Variants in NSD2 observed in about 807,000 individuals in gnomAD.
NSD2 encodes the protein nuclear receptor binding SET domain protein 2, also known as histone-lysine N-methyltransferase NSD2.
A neutral mutation model predicts 139.0 loss-of-function variants in NSD2; 12 were observed. The observed-to-expected ratio is 0.09, with a 90% CI of 0.06 to 0.14. NSD2 has a LOEUF of 0.14. Ranked by LOEUF, NSD2 falls within the 10% of genes least tolerant of loss-of-function variation. NSD2 has a pLI of 1.00. For missense variants in NSD2, 1,155 were observed against 1,745.0 expected (o/e 0.66, Z 6.02); for synonymous variants, 669 against 648.7 (o/e 1.03, Z -0.48).
intron 1 of NSD2, among the ~76,000 whole-genome samples, chr4:1,889,189 C>T (rs113627824): frequency 0.02 from 3,060 of 151,682 alleles, 94 homozygotes; most frequent in African/African-American, 0.07. Context: ...TGAGCCACTG[C>T]GCCCAGTCGT....
chr4:1,981,289 T>C lies in NSD2; in HGVS notation c.*2380T>C, dbSNP rs527351425. ...GTTGATAACTCAGTGGAGCCAGGCT[T>C]TGGGGTAGCGGCCCTGAGCTTGCAG... On this transcript the variant is annotated 3_prime_UTR_variant, in exon 22 of 22. Coordinates refer to ENST00000508803, the MANE Select transcript of NSD2 (RefSeq NM_001042424.3). The C allele has an allele frequency of 9.2e-4, 214 of 233,316 alleles. No homozygotes were observed. The highest frequency in any genetic ancestry group is 4.5e-3 in the African/African-American group (206 of 45,468). The allele number at this position is 233,316 out of a possible 1,614,324, so 14.5% of individuals were successfully genotyped here.
chr4:1,922,187 C>G (rs1401982054), intron 5 of NSD2, among the ~76,000 whole-genome samples: 1 of 152,116 alleles, frequency 6.6e-6, no homozygotes, highest in African/African-American at 2.4e-5. Context: ...ATAAATAAAG[C>G]TGTCATTGTT....
chr4:1,968,571 T>C (rs1262417862), intron 18 of NSD2, among the ~76,000 whole-genome samples: 1 of 152,066 alleles, frequency 6.6e-6, no homozygotes, highest in Non-Finnish European at 1.5e-5. Flanking sequence ...AAAAGTCAAT[T>C]TAGTAGAACC....
intron 2 of NSD2, 121 bp from the exon 3 acceptor site, chr4:1,904,095 A>G: frequency 8.9e-7 from 1 of 1,117,902 alleles, no homozygotes; most frequent in Non-Finnish European, 1.3e-6. Flanking sequence ...GCAAGGGAGC[A>G]CACTCCATTT....
chr4:1,903,695 G>T (rs757454935), intron 2 of NSD2, among the ~76,000 whole-genome samples: 14 of 151,768 alleles, frequency 9.2e-5, no homozygotes, highest in Admixed American at 2.0e-4. Flanking sequence ...TGTGTGCTAT[G>T]CACTGTCCTG....
intron 18 of NSD2, among the ~76,000 whole-genome samples, chr4:1,970,583 G>A (rs1726353454): frequency 6.6e-6 from 1 of 152,180 alleles, no homozygotes; most frequent in Non-Finnish European, 1.5e-5. Flanking sequence ...GGAGGAGCAG[G>A]GAGAAAGGAG....
At chr4:1,957,495 C>A (rs974421757) in intron 15 of NSD2, among the ~76,000 whole-genome samples, 2 of 148,480 alleles carry the variant, frequency 1.3e-5, no homozygotes, top group Admixed American at 6.8e-5. Context: ...AGCATGTTGG[C>A]CAGGCTGGTC....
At chr4:1,872,387 C>T (rs1713856463) in intron 1 of NSD2, among the ~76,000 whole-genome samples, 1 of 152,054 alleles carries the variant, frequency 6.6e-6, no homozygotes, top group South Asian at 2.1e-4. Flanking sequence ...AAAATCTCGG[C>T]GTTTAAAAAA....
At chr4:1,943,073 A>G (rs1723264564) in intron 9 of NSD2, 7 of 1,049,784 alleles carry the variant, frequency 6.7e-6, no homozygotes, top group East Asian at 5.5e-5. Context: ...ATGTACACCA[A>G]CCTCTGCATC....
intron 1 of NSD2, among the ~76,000 whole-genome samples, chr4:1,878,056 T>C (rs1577348954): frequency 6.6e-6 from 1 of 150,674 alleles, no homozygotes; most frequent in South Asian, 2.1e-4. Context: ...AAAAAAGTAT[T>C]ATATATATAC....
At chr4:1,880,967 TTTG>T (rs1560547707) in intron 1 of NSD2, among the ~76,000 whole-genome samples, 1 of 152,156 alleles carries the variant, frequency 6.6e-6, no homozygotes, top group African/African-American at 2.4e-5. Context: ...TGATAGTGGG[TTTG>T]TTATGTTTAG....
intron 1 of NSD2, among the ~76,000 whole-genome samples, chr4:1,891,408 G>C (rs1715532010): frequency 6.6e-6 from 1 of 152,186 alleles, no homozygotes; most frequent in African/African-American, 2.4e-5. Flanking sequence ...GCCTGGCTCT[G>C]GGGAATGTCC....
intron 9 of NSD2, chr4:1,940,630 T>A: frequency 9.4e-7 from 1 of 1,062,664 alleles, no homozygotes; most frequent in Non-Finnish European, 1.1e-6. Context: ...TAGACATGGG[T>A]CCTGTTTTTG....
rs1724794023 is a variant in NSD2 at position 1,956,270 on chromosome 4, C to T, written c.2881+82C>T. The T allele has an allele frequency of 2.3e-6, 3 of 1,298,182 alleles. No homozygotes were observed. Among genetic ancestry groups the T allele is most frequent in the South Asian group, 1.6e-5 (1 of 62,580 alleles). The allele number at this position is 1,298,182 out of a possible 1,614,324, so 80.4% of individuals were successfully genotyped here. On this transcript the variant is annotated intron_variant, in intron 15 of 21. Coordinates refer to ENST00000508803, the MANE Select transcript of NSD2 (RefSeq NM_001042424.3). The surrounding 1 kb of genome is among the most constrained non-coding windows in gnomAD (Gnocchi z 5.3). ...TAATTTCTATTTTTTAAAATTTGAT[C>T]TTTATAGAAAATACTGGACTAAGCA... is the stretch of plus-strand genomic sequence containing the variant.
intron 4 of NSD2, 151 bp from the exon 5 acceptor site, chr4:1,917,990 A>G: frequency 1.1e-6 from 1 of 876,528 alleles, no homozygotes; most frequent in Non-Finnish European, 1.7e-6. Flanking sequence ...CATGTTGACC[A>G]GGCTGGTCTT....
intron 9 of NSD2, among the ~76,000 whole-genome samples, chr4:1,949,379 G>C (rs766885488): frequency 6.6e-6 from 1 of 152,168 alleles, no homozygotes; most frequent in Non-Finnish European, 1.5e-5. Context: ...ACTTTGTGCT[G>C]TCAGGAGATG....
At position 1,939,656 on chromosome 4, in the gene NSD2, A is replaced by G. The variant is rs1722873484; in HGVS notation, c.1759A>G (p.Thr587Ala). Residue 587 changes from threonine to alanine, a missense_variant and splice_region_variant, in exon 9 of 22, where the codon ACG (threonine) becomes GCG (alanine). Physicochemically the swap from Thr to Ala is moderately conservative, Grantham distance 58 (BLOSUM62 0). This residue lies in a region of NSD2 where 420 missense variants were observed against 469.0 expected (regional missense o/e 0.90). Coordinates refer to ENST00000508803, the MANE Select transcript of NSD2 (RefSeq NM_001042424.3). ...AASSLKSQAA[T>A]KNLSDACKPL... ...TACAAACCAAAATTATTTTACAGCAACGAAAAATCTGTCTGATGCATGTAA... is the reference window on the plus strand; with the variant it reads ...TACAAACCAAAATTATTTTACAGCAGCGAAAAATCTGTCTGATGCATGTAA... 1 of 1,613,962 alleles carries G rather than the reference A, an allele frequency of 6.2e-7. No homozygotes were observed. The highest frequency in any genetic ancestry group is 1.7e-5 in the Admixed American group (1 of 60,004).
intron 7 of NSD2, 22 bp from the exon 8 acceptor site, chr4:1,938,429 T>TTC: frequency 8.3e-7 from 1 of 1,211,628 alleles, no homozygotes; most frequent in Non-Finnish European, 1.1e-6. Flanking sequence ...TTTTTTTTTT[T>TTC]TTTTTTTTTT....
At chr4:1,872,591 T>TGTGTGTGTGTGAGAGAGAGAGAGAGA (rs1281608141) in intron 1 of NSD2, among the ~76,000 whole-genome samples, 1 of 44,892 alleles carries the variant, frequency 2.2e-5, no homozygotes, top group Non-Finnish European at 4.5e-5. Flanking sequence ...TGTGTGTGTG[T>TGTGTGTGTGTGAGAGAGAGAGAGAGA]GAGAGAGAGA....
Sources: gnomAD v4.1 joint callset for allele counts (sites outside exome capture counted in the v4.1 genomes callset) on GRCh38, gnomAD v4.1.1 for gene constraint, gnomAD v4.1.1 regional missense constraint, Gnocchi (gnomAD v3.1) non-coding constraint, MANE v1.5 for transcripts, NCBI Gene and HGNC (gene_info 2026-07-23, HGNC 2026-07-21) for gene names.